Variants in GLRA3 observed in about 807,000 individuals in gnomAD.
The protein encoded by GLRA3 is glycine receptor subunit alpha-3.
A neutral mutation model predicts 60.4 loss-of-function variants in GLRA3; 44 were observed. The observed-to-expected ratio is 0.73, with a 90% confidence interval of 0.57 to 0.94. The LOEUF is 0.94. Among genes scored for constraint, GLRA3 ranks in the 40% least tolerant of loss-of-function variants. GLRA3 has a pLI of 0.00. For synonymous variants in GLRA3, 223 were observed against 192.9 expected (o/e 1.16, Z -1.29); for missense variants, 508 against 564.6 (o/e 0.90, Z 1.02).
At chr4:174,691,147 T>A (rs1038753520) in intron 5 of GLRA3, among the ~76,000 whole-genome samples, 1 of 152,212 alleles carries the variant, frequency 6.6e-6, no homozygotes, top group African/African-American at 2.4e-5. Context: ...AGTGAATAAG[T>A]GTTCTTTTAT....
chr4:174,714,252 T>C (rs1023236286), intron 5 of GLRA3, among the ~76,000 whole-genome samples: 5 of 152,202 alleles, frequency 3.3e-5, no homozygotes, highest in Admixed American at 2.6e-4. Context: ...CCGCACATTT[T>C]AAACTCTTTG....
intron 7 of GLRA3, among the ~76,000 whole-genome samples, chr4:174,665,398 T>G (rs1733627957): frequency 6.6e-6 from 1 of 152,052 alleles, no homozygotes; most frequent in Non-Finnish European, 1.5e-5. Context: ...CACTTCCACT[T>G]TTTTCAAAGG....
intron 7 of GLRA3, among the ~76,000 whole-genome samples, chr4:174,665,737 G>A (rs1047938969): frequency 2.6e-5 from 4 of 152,122 alleles, no homozygotes; most frequent in Non-Finnish European, 4.4e-5. Context: ...CATTCCATGA[G>A]CTAAGACAAA....
chr4:174,682,818 A>G lies in GLRA3; in HGVS notation c.696T>C (p.Thr232=). Residue 232 remains threonine (T), a synonymous_variant, in exon 6 of 10, where the codon ACT becomes ACC. Coordinates refer to ENST00000274093, the MANE Select transcript of GLRA3 (RefSeq NM_006529.4). ...AACCCCTACCTGTATTGTAATGTTT[A>G]GTGCAGTATCGTAAATCTTTTTCTT... ...LKEEKDLRYC[T]KHYNTGKFTC... is the part of the protein sequence containing the mutation. 3 of 1,612,520 alleles carry G rather than the reference A, an allele frequency of 1.9e-6. No individual in the cohort carries two copies. The highest frequency in any genetic ancestry group is 1.1e-5 in the South Asian group (1 of 91,036).
intron 7 of GLRA3, among the ~76,000 whole-genome samples, chr4:174,675,008 C>T (rs1734059670): frequency 6.6e-6 from 1 of 152,088 alleles, no homozygotes; most frequent in African/African-American, 2.4e-5. Flanking sequence ...GGGGTCTGCC[C>T]TACTAAAATT....
rs140888679 is a variant in GLRA3, at chr4:174,732,940, G to C, written c.268-4242C>G. On this transcript the variant is annotated intron_variant, in intron 3 of 9. Transcript: ENST00000274093. ...GGGGAATGAGATAGTGAATTATACA[G>C]GTATCTTTAATATTGGTAATGTTTT... Among the ~76,000 whole-genome samples the C allele has an allele frequency of 7.9e-5, 12 of 152,206 alleles. No individual in the cohort carries two copies. The East Asian group carries it at 2.3e-3, about 29-fold the overall frequency.
At chr4:174,828,668 T>A (rs1578951389) in intron 1 of GLRA3, 73 bp downstream of exon 1, 1 of 890,860 alleles carries the variant, frequency 1.1e-6, no homozygotes, top group Admixed American at 1.7e-5. Context: ...CCCGGTCTCA[T>A]CAATAACAAG....
intron 1 of GLRA3, among the ~76,000 whole-genome samples, chr4:174,809,154 T>A (rs1353771718): frequency 1.3e-5 from 2 of 152,286 alleles, no homozygotes; most frequent in East Asian, 3.9e-4. Flanking sequence ...TTTTACTGTA[T>A]CATTTCTATG....
At chr4:174,828,704 A>C in intron 1 of GLRA3, 37 bp downstream of exon 1, 1 of 1,343,966 alleles carries the variant, frequency 7.4e-7, no homozygotes, top group Non-Finnish European at 1.1e-6. Flanking sequence ...GCACAGGCTT[A>C]ATGAGTTCTC....
intron 9 of GLRA3, among the ~76,000 whole-genome samples, chr4:174,644,533 G>A (rs1256146650): frequency 6.6e-6 from 1 of 151,938 alleles, no homozygotes; most frequent in East Asian, 1.9e-4. Flanking sequence ...TCAATTCGAA[G>A]TCAATTCCTC....
At chr4:174,695,235 T>C (rs1323805069) in intron 5 of GLRA3, among the ~76,000 whole-genome samples, 1 of 151,952 alleles carries the variant, frequency 6.6e-6, no homozygotes, top group East Asian at 1.9e-4. Context: ...CTCAACTTAT[T>C]ATATGAGGCC....
At chr4:174,717,802 G>A (rs192174915) in intron 4 of GLRA3, among the ~76,000 whole-genome samples, 5 of 152,286 alleles carry the variant, frequency 3.3e-5, no homozygotes, top group East Asian at 1.9e-4. Context: ...CCTTGTGAAA[G>A]GGCTTATTAG....
At chr4:174,672,644 A>T (rs1397035084) in intron 7 of GLRA3, among the ~76,000 whole-genome samples, 3 of 152,048 alleles carry the variant, frequency 2.0e-5, no homozygotes, top group African/African-American at 7.2e-5. Flanking sequence ...CACAGCCTAG[A>T]TCCAAGCCCA....
chr4:174,736,019 A>G (rs958513802), intron 3 of GLRA3, among the ~76,000 whole-genome samples: 4 of 152,142 alleles, frequency 2.6e-5, no homozygotes, highest in African/African-American at 9.7e-5. Flanking sequence ...AATCAACACT[A>G]CAAATGATCT....
At chr4:174,730,190 G>A (rs1736499987) in intron 3 of GLRA3, among the ~76,000 whole-genome samples, 1 of 152,124 alleles carries the variant, frequency 6.6e-6, no homozygotes, top group Non-Finnish European at 1.5e-5. Flanking sequence ...CTGTAAATGG[G>A]GATATGTGAA....
chr4:174,701,823 A>G (rs919881799), intron 5 of GLRA3, among the ~76,000 whole-genome samples: 1 of 152,192 alleles, frequency 6.6e-6, no homozygotes. Flanking sequence ...CTAAAATTAG[A>G]AGAGGAGCCT....
intron 5 of GLRA3, among the ~76,000 whole-genome samples, chr4:174,693,521 C>T (rs4624635): frequency 0.42 from 63,417 of 151,880 alleles, 13,835 homozygotes; most frequent in Middle Eastern, 0.53. Context: ...GTCTATATGT[C>T]TGTTTTTGTA....
intron 1 of GLRA3, among the ~76,000 whole-genome samples, chr4:174,813,395 C>G (rs1016003408): frequency 1.3e-5 from 2 of 152,158 alleles, no homozygotes; most frequent in African/African-American, 4.8e-5. Context: ...TGGCTTCATT[C>G]ACTTCCTCTT....
At chr4:174,756,678 TC>T (rs1286879981) in intron 3 of GLRA3, among the ~76,000 whole-genome samples, 1 of 147,646 alleles carries the variant, frequency 6.8e-6, no homozygotes, top group Non-Finnish European at 1.5e-5. Context: ...AGAGTCTCGC[TC>T]TTTTGCCCAG....
Sources: gnomAD v4.1 joint callset for allele counts (sites outside exome capture counted in the v4.1 genomes callset) on GRCh38, gnomAD v4.1.1 for gene constraint, MANE v1.5 for transcripts, NCBI Gene and HGNC (gene_info 2026-07-23, HGNC 2026-07-21) for gene names.